CCL5: variants seen among roughly 807,000 people sequenced by gnomAD.
CCL5 encodes the protein C-C motif chemokine 5.
Under a neutral mutation model 9.0 loss-of-function variants are expected in CCL5, and 5 were observed. The observed-to-expected ratio is 0.55, with a 90% CI of 0.29 to 1.16. CCL5 has a LOEUF of 1.16. CCL5 is among the 50% of genes most tolerant of loss of function. CCL5 has a pLI of 0.08. For synonymous variants in CCL5, 66 were observed against 72.0 expected (o/e 0.92, Z 0.42); for missense variants, 183 against 183.2 (o/e 1.00, Z 0.01).
At position 35,874,759 on chromosome 17, in the gene CCL5, C is replaced by T. The variant is rs550521975; in HGVS notation, c.270+802G>A. Reference sequence around the variant, plus strand: ...CTGAGTAGCTGGGATTACAGGTGTGCGCCACCACGCCCAGCTAATGTTTTT... The same window carrying T: ...CTGAGTAGCTGGGATTACAGGTGTGTGCCACCACGCCCAGCTAATGTTTTT... On this transcript the variant is annotated intron_variant, in intron 3 of 3. Transcript: ENST00000651122. Among the ~76,000 whole-genome samples the T allele has an allele frequency of 5.9e-5, 9 of 152,104 alleles. No individual in the cohort carries two copies. The East Asian group carries it at 7.7e-4, about 13-fold the overall frequency.
chr17:35,876,314 C>T (rs1348900176), intron 2 of CCL5, among the ~76,000 whole-genome samples: 1 of 152,160 alleles, frequency 6.6e-6, no homozygotes, highest in Non-Finnish European at 1.5e-5. Flanking sequence ...ATTTTCAGCC[C>T]TAACACCCTT....
intron 1 of CCL5, among the ~76,000 whole-genome samples, chr17:35,879,082 T>C (rs1348491520): frequency 6.6e-6 from 1 of 152,200 alleles, no homozygotes; most frequent in Non-Finnish European, 1.5e-5. Flanking sequence ...GGAGCTCTGG[T>C]TGAGCTTCAG....
chr17:35,879,115 ACTT>A (rs1441494218), intron 1 of CCL5, among the ~76,000 whole-genome samples: 1 of 152,172 alleles, frequency 6.6e-6, no homozygotes, highest in Non-Finnish European at 1.5e-5. Context: ...TCAACAGAGA[ACTT>A]CTTGTTGGTC....
intron 1 of CCL5, among the ~76,000 whole-genome samples, chr17:35,879,311 T>C (rs970005205): frequency 1.3e-5 from 2 of 152,082 alleles, no homozygotes; most frequent in Admixed American, 6.6e-5. Context: ...GGACAGCTAC[T>C]CAAAGAAGGG....
At chr17:35,872,789 C>T (rs2088388794) in intron 3 of CCL5, among the ~76,000 whole-genome samples, 2 of 152,202 alleles carry the variant, frequency 1.3e-5, no homozygotes, top group African/African-American at 4.8e-5. Flanking sequence ...CTCAGCACTT[C>T]CTCTGCTCCA....
Position 35,880,288 on chromosome 17 carries a change from T to A in CCL5, c.18A>T (p.Ala6=). ...TAGCAATGAGGATGACAGCGAGGGC[T>A]GCCGCGGAGACCTTCATGGTACCTG... is the stretch of plus-strand genomic sequence containing the variant. The change falls in exon 1 of 4, where the codon GCA becomes GCT. Residue 6 remains alanine (A), a synonymous_variant. Coordinates refer to ENST00000651122, the MANE Select transcript of CCL5 (RefSeq NM_001278736.2). 2 of 1,613,076 alleles carry A rather than the reference T, an allele frequency of 1.2e-6. No homozygotes were observed. The highest frequency in any genetic ancestry group is 1.7e-6 in the Non-Finnish European group (2 of 1,179,592).
At chr17:35,874,503 G>A (rs566645828) in intron 3 of CCL5, among the ~76,000 whole-genome samples, 54 of 151,886 alleles carry the variant, frequency 3.6e-4, no homozygotes, top group Non-Finnish European at 6.2e-4. Flanking sequence ...CTCTTACCAC[G>A]TTGCCCAGGT....
rs1375828306 is a variant in CCL5, at chr17:35,875,580, G to C, written c.251C>G (p.Ser84Cys). 3.0e-6 allele frequency: 3 copies of C among 985,130 alleles called. No homozygotes were observed. Among genetic ancestry groups the C allele is most frequent in the Non-Finnish European group, 3.6e-6 (3 of 829,776 alleles). 61.0% of individuals were successfully genotyped at this position (985,130 alleles called of 1,614,324 possible). A position where few individuals can be genotyped will look rare whatever the true frequency, so the allele number is the denominator to read the frequency against. Residue 84 changes from serine (S) to cysteine (C), a missense_variant, in exon 3 of 4, where the codon TCC (serine) becomes TGC (cysteine). Transcript: ENST00000651122. ...ACAGACCTTGCCCTTGTTCAGCCGGGAGTCATACAGGAAATCCTGCCAGAC... is the reference window on the plus strand; with the variant it reads ...ACAGACCTTGCCCTTGTTCAGCCGGCAGTCATACAGGAAATCCTGCCAGAC...
chr17:35,873,468 T>A (rs1313877553), intron 3 of CCL5, among the ~76,000 whole-genome samples: 1 of 152,220 alleles, frequency 6.6e-6, no homozygotes, highest in East Asian at 1.9e-4. Flanking sequence ...ATTACAGGCA[T>A]GAGCCACCGC....
chr17:35,875,582 G>A lies in CCL5; in HGVS notation c.249C>T (p.Asp83=), dbSNP rs1004163347. 1 of 985,188 alleles carries A rather than the reference G, an allele frequency of 1.0e-6. No individual in the cohort carries two copies. The highest frequency in any genetic ancestry group is 1.7e-5 in the African/African-American group (1 of 57,214). The allele number at this position is 985,188 out of a possible 1,614,324, so 61.0% of individuals were successfully genotyped here. Residue 83 remains aspartate, a synonymous_variant, in exon 3 of 4, where the codon GAC becomes GAT. Coordinates refer to ENST00000651122, the MANE Select transcript of CCL5 (RefSeq NM_001278736.2). ...AGACCTTGCCCTTGTTCAGCCGGGA[G>A]TCATACAGGAAATCCTGCCAGACTT...
Position 35,872,279 on chromosome 17 carries a change from G to T in CCL5, c.456C>A (p.Pro152=), listed in dbSNP as rs758094681. Residue 152 remains proline, a synonymous_variant, in exon 4 of 4, where the codon CCC becomes CCA. Coordinates refer to ENST00000651122, the MANE Select transcript of CCL5 (RefSeq NM_001278736.2). ...GTAGAATCTGGGCCCTTCAAGGAGC[G>T]GGTGGGGTAGGATAGTGAGGGGAAG... 1.3e-6 allele frequency: 2 copies of T among 1,568,540 alleles called. No individual in the cohort carries two copies. Among genetic ancestry groups the T allele is most frequent in the Admixed American group, 1.8e-5 (1 of 56,080 alleles).
chr17:35,874,543 C>G (rs756447406), intron 3 of CCL5, among the ~76,000 whole-genome samples: 40 of 152,186 alleles, frequency 2.6e-4, no homozygotes, highest in Admixed American at 7.9e-4. Flanking sequence ...TCAAGCCATC[C>G]TCCTGCCTCA....
chr17:35,878,102 G>A (rs527873176), intron 2 of CCL5, among the ~76,000 whole-genome samples: 1 of 151,734 alleles, frequency 6.6e-6, no homozygotes, highest in South Asian at 2.1e-4. Context: ...GGCTAACACG[G>A]TGAAACCCCG....
chr17:35,878,282 C>CAAAA (rs4013866), intron 2 of CCL5, among the ~76,000 whole-genome samples: 4 of 31,990 alleles, frequency 1.3e-4, no homozygotes, highest in Non-Finnish European at 1.2e-4. Context: ...GACTCTGTCT[C>CAAAA]AAAAAAAAAA....
chr17:35,876,920 T>G (rs1281868978), intron 2 of CCL5, among the ~76,000 whole-genome samples: 1 of 152,098 alleles, frequency 6.6e-6, no homozygotes, highest in Non-Finnish European at 1.5e-5. Context: ...GTTTCCTCTC[T>G]CTTTCCCTTG....
At chr17:35,872,914 AGTC>A (rs1406260529) in intron 3 of CCL5, among the ~76,000 whole-genome samples, 1 of 149,894 alleles carries the variant, frequency 6.7e-6, no homozygotes, top group Middle Eastern at 3.2e-3. Flanking sequence ...TTTGAGATGG[AGTC>A]TTGCTCTGTC....
intron 3 of CCL5, 148 bp from the exon 3 acceptor site, chr17:35,872,612 G>A (rs2088385748): frequency 1.5e-6 from 1 of 663,270 alleles, no homozygotes; most frequent in South Asian, 1.9e-5. Context: ...TTTATTTGTG[G>A]CTTTTAAGGA....
chr17:35,878,448 G>A (rs1237868219), intron 2 of CCL5, 80 bp downstream of exon 2: 3 of 902,684 alleles, frequency 3.3e-6, no homozygotes, highest in African/African-American at 3.3e-5. Context: ...CTGGAGGATA[G>A]GTGGAAGTGG....
rs200852773 is a variant in CCL5, at chr17:35,872,453, C to T, written c.282G>A (p.Pro94=). The change falls in exon 4 of 4, where the codon CCG becomes CCA. Residue 94 remains proline, a synonymous_variant. Coordinates refer to ENST00000651122, the MANE Select transcript of CCL5 (RefSeq NM_001278736.2). ...GTTGGCACACACTTGGCGGTTCTTTCGGGTGACAAAGCTGTGGGAGAGGAG... is the reference window on the plus strand; with the variant it reads ...GTTGGCACACACTTGGCGGTTCTTTTGGGTGACAAAGCTGTGGGAGAGGAG... 700 of 1,613,930 alleles carry T rather than the reference C, an allele frequency of 4.3e-4. 6 individuals are homozygous for T. The South Asian group carries it at 6.0e-3, about 14-fold the overall frequency.
Sources: allele counts gnomAD v4.1 joint callset (sites outside exome capture counted in the v4.1 genomes callset), GRCh38; gene constraint gnomAD v4.1.1; transcripts MANE v1.5; gene names NCBI Gene and HGNC (gene_info 2026-07-23, HGNC 2026-07-21).